Variants in LPA observed in about 807,000 individuals in gnomAD.
LPA encodes lipoprotein(a).
Under a neutral mutation model 197.9 loss-of-function variants are expected in LPA, and 199 were observed. That is an observed-to-expected ratio of 1.01 (90% CI 0.90 to 1.13). LPA has a LOEUF of 1.13. Ranked by LOEUF, LPA falls within the 50% of genes most tolerant of loss-of-function variation. LPA has a pLI of 0.00. For synonymous variants in LPA, 715 were observed against 639.5 expected (o/e 1.12, Z -1.78); for missense variants, 1,853 against 1,785.8 (o/e 1.04, Z -0.68).
intron 24 of LPA, among the ~76,000 whole-genome samples, chr6:160,588,011 C>T (rs1416738851): frequency 6.6e-6 from 1 of 151,734 alleles, no homozygotes; most frequent in Non-Finnish European, 1.5e-5. Flanking sequence ...TTGTTTCTCT[C>T]ATGGTCAGCT....
intron 2 of LPA, among the ~76,000 whole-genome samples, chr6:160,648,278 T>C (rs1779940094): frequency 6.6e-6 from 1 of 152,236 alleles, no homozygotes; most frequent in South Asian, 2.1e-4. Flanking sequence ...CTGTGTATTA[T>C]GTCTTTGCCC....
chr6:160,547,575 C>T (rs911905429), intron 32 of LPA, among the ~76,000 whole-genome samples: 4 of 152,090 alleles, frequency 2.6e-5, no homozygotes, highest in African/African-American at 9.7e-5. Context: ...GAAACAGCAC[C>T]CAACAATGGA....
At chr6:160,605,622 G>A (rs1467054153) in intron 17 of LPA, among the ~76,000 whole-genome samples, 1 of 152,172 alleles carries the variant, frequency 6.6e-6, no homozygotes, top group Admixed American at 6.5e-5. Flanking sequence ...CATGGTGATT[G>A]GGTGTTAGGG....
chr6:160,604,611 T>C (rs1779308299), intron 18 of LPA, among the ~76,000 whole-genome samples: 1 of 152,156 alleles, frequency 6.6e-6, no homozygotes, highest in African/African-American at 2.4e-5. Context: ...TAGAAAGAGA[T>C]AGATTTGCCT....
In LPA at chr6:160,605,228, C is replaced by G. The variant is rs770276913; in HGVS notation, c.2786-23G>C. On this transcript the variant is annotated intron_variant, in intron 17 of 38. Transcript: ENST00000316300. ...GTGCTGAAATGAAAAGAAAAGAAAT[C>G]AAACTGAGTGTTTCCAAGAAGAGAC... is the stretch of plus-strand genomic sequence containing the variant. 9 of 1,611,698 alleles carry G rather than the reference C, an allele frequency of 5.6e-6. No individual in the cohort carries two copies. The Admixed American group carries it at 1.3e-4, about 24-fold the overall frequency.
intron 20 of LPA, 33 bp downstream of exon 20, chr6:160,599,467 T>C: frequency 6.2e-7 from 1 of 1,612,064 alleles, no homozygotes; most frequent in Non-Finnish European, 8.5e-7. Flanking sequence ...CCATTGGCCC[T>C]TCCTTCGCTT....
chr6:160,611,150 G>A (rs185536918), intron 16 of LPA, among the ~76,000 whole-genome samples: 2 of 152,194 alleles, frequency 1.3e-5, no homozygotes, highest in East Asian at 1.9e-4. Context: ...CCATAAGTAA[G>A]CACATAAACT....
At chr6:160,598,629 T>C (rs1779176625) in intron 20 of LPA, among the ~76,000 whole-genome samples, 1 of 152,246 alleles carries the variant, frequency 6.6e-6, no homozygotes, top group South Asian at 2.1e-4. Flanking sequence ...TCTGTCCATC[T>C]ACCCGCCCCT....
chr6:160,531,904 G>A lies in LPA; in HGVS notation c.5962-14C>T. On this transcript the variant is annotated splice_polypyrimidine_tract_variant and intron_variant, in intron 38 of 38. Coordinates refer to ENST00000316300, the MANE Select transcript of LPA (RefSeq NM_005577.4). ...TCCACTGTCACCCTAAACAGAGGTA[G>A]GGGAAAATTCATGTGAGCTTTAAGC... 6.2e-7 allele frequency: 1 copy of A among 1,613,858 alleles called. No homozygotes were observed. Among genetic ancestry groups the A allele is most frequent in the Non-Finnish European group, 8.5e-7 (1 of 1,179,846 alleles).
chr6:160,565,245 C>T (rs1372442899), intron 28 of LPA, among the ~76,000 whole-genome samples: 6 of 152,164 alleles, frequency 3.9e-5, no homozygotes, highest in East Asian at 1.9e-4. Context: ...CCGTGACCCC[C>T]GAGTAGCCTA....
intron 16 of LPA, 70 bp from the exon 17 acceptor site, chr6:160,606,728 T>C (rs1779362810): frequency 6.4e-7 from 1 of 1,572,658 alleles, no homozygotes; most frequent in African/African-American, 1.4e-5. Context: ...CACCCTCTCC[T>C]TTGTGCTGCA....
At chr6:160,611,031 T>C (rs775067326) in intron 16 of LPA, among the ~76,000 whole-genome samples, 1 of 152,118 alleles carries the variant, frequency 6.6e-6, no homozygotes, top group Non-Finnish European at 1.5e-5. Context: ...CTTCCTTGGA[T>C]CTTCTCTTGC....
chr6:160,611,028 G>A (rs771690000), intron 16 of LPA, among the ~76,000 whole-genome samples: 6 of 151,980 alleles, frequency 3.9e-5, no homozygotes, highest in Non-Finnish European at 8.8e-5. Context: ...TTCCTTCCTT[G>A]GATCTTCTCT....
intron 28 of LPA, among the ~76,000 whole-genome samples, chr6:160,565,923 G>A (rs767518959): frequency 2.0e-5 from 3 of 152,130 alleles, no homozygotes; most frequent in Non-Finnish European, 2.9e-5. Flanking sequence ...GGAAGAAAGG[G>A]TATCAGTGAT....
chr6:160,532,574 T>C lies in LPA; in HGVS notation c.5918A>G (p.Tyr1973Cys). The C allele has an allele frequency of 1.2e-6, 2 of 1,613,252 alleles. No individual in the cohort carries two copies. Among genetic ancestry groups the C allele is most frequent in the Non-Finnish European group, 1.7e-6 (2 of 1,179,372 alleles). Residue 1973 changes from tyrosine (Y) to cysteine (C), a missense_variant, in exon 38 of 39, where the codon TAT becomes TGT. Transcript: ENST00000316300. ...TCTGGCCAAATGCTCAGCACAAATA[T>C]ACTTATAGTGATTGCACACTTCATT... ...IENEVCNHYK[Y>C]ICAEHLARGT... is the part of the protein sequence containing the mutation.
chr6:160,650,582 A>C (rs1779987312), intron 1 of LPA, 85 bp from the exon 2 acceptor site: 4 of 1,376,600 alleles, frequency 2.9e-6, no homozygotes. Context: ...AACAGGAAAA[A>C]GTCTCTGAGA....
chr6:160,564,123 A>C (rs1414296654), intron 28 of LPA, among the ~76,000 whole-genome samples: 1 of 152,104 alleles, frequency 6.6e-6, no homozygotes, highest in African/African-American at 2.4e-5. Context: ...CTAGCTGGCT[A>C]TTTTGCCCAT....
intron 24 of LPA, among the ~76,000 whole-genome samples, chr6:160,587,783 GTGTGTGTGTGTGTGTGTT>G (rs1252569895): frequency 4.9e-5 from 6 of 121,684 alleles, no homozygotes; most frequent in Non-Finnish European, 1.0e-4. Flanking sequence ...GTGTGTGTGT[GTGTGTGTGTGTGTGTGTT>G]TCTGTCTGTT....
In LPA at chr6:160,601,023, G is replaced by C. The variant is rs951921270; in HGVS notation, c.3021C>G (p.Val1007=). ...APWCYTTDPS[V]RWEYCNLTRC... is the part of the protein sequence containing the mutation. Reference sequence around the variant, plus strand: ...GTGTCAGGTTGCAGTACTCCCACCTGACACTGGGATCTGTTGTATAACACC... The same window carrying C: ...GTGTCAGGTTGCAGTACTCCCACCTCACACTGGGATCTGTTGTATAACACC... Residue 1007 remains valine, a synonymous_variant, in exon 19 of 39, where the codon GTC becomes GTG. Coordinates refer to ENST00000316300, the MANE Select transcript of LPA (RefSeq NM_005577.4). The C allele has an allele frequency of 1.2e-6, 2 of 1,614,072 alleles. No homozygotes were observed. The highest frequency in any genetic ancestry group is 1.7e-6 in the Non-Finnish European group (2 of 1,179,958).
Sources: gnomAD v4.1 joint callset for allele counts (sites outside exome capture counted in the v4.1 genomes callset) on GRCh38, gnomAD v4.1.1 for gene constraint, MANE v1.5 for transcripts, NCBI Gene and HGNC (gene_info 2026-07-23, HGNC 2026-07-21) for gene names.